Variants in ZNF469 observed in about 807,000 individuals in gnomAD.
The protein encoded by ZNF469 is zinc finger protein 469.
In ZNF469, 1 loss-of-function variant was observed where a neutral mutation model predicts 1.0. That is an observed-to-expected ratio of 1.00 (90% CI 0.35 to 4.73). ZNF469 has a LOEUF of 4.73. ZNF469 is among the 30% of genes most tolerant of loss of function. The probability of loss-of-function intolerance (pLI) is 0.16; values close to 1 mark genes in which losing one functional copy is unlikely to be tolerated. For synonymous variants in ZNF469, 2,703 were observed against 2,363.4 expected (o/e 1.14, Z -4.17); for missense variants, 6,100 against 5,356.3 (o/e 1.14, Z -4.33).
intron 1 of ZNF469, among the ~76,000 whole-genome samples, chr16:88,391,494 A>G (rs1167187837): frequency 2.4e-5 from 2 of 82,806 alleles, no homozygotes; most frequent in Non-Finnish European, 5.1e-5. Context: ...TGTCTCTGCC[A>G]CCCAAGGCAA....
Position 88,434,828 on chromosome 16 carries a change from A to G in ZNF469, c.7358A>G (p.Lys2453Arg). 1 of 1,550,368 alleles carries G rather than the reference A, an allele frequency of 6.5e-7. No homozygotes were observed. Among genetic ancestry groups the G allele is most frequent in the Non-Finnish European group, 8.7e-7 (1 of 1,146,986 alleles). The change falls in exon 3 of 3, where the codon AAG (lysine) becomes AGG (arginine). Residue 2453 changes from lysine (K) to arginine (R), a missense_variant. Lys to Arg is a conservative substitution (Grantham distance 26, BLOSUM62 2). Coordinates refer to ENST00000565624, the MANE Select transcript of ZNF469 (RefSeq NM_001367624.2). Reference sequence around the variant, plus strand: ...AAACAGAGGTCCCGTGGCTATAAAAAGAAGCCTGCATCTACAGAGAACGGC... The same window carrying G: ...AAACAGAGGTCCCGTGGCTATAAAAGGAAGCCTGCATCTACAGAGAACGGC... ...DLKQRSRGYK[K>R]KPASTENGQW...
chr16:88,223,276 G>A, the ZNF469 span, among the ~76,000 whole-genome samples: 6 of 152,210 alleles, frequency 3.9e-5, no homozygotes, highest in African/African-American at 1.2e-4. Context: ...CATGCGATCT[G>A]CGGGTTTTAT....
chr16:88,177,531 A>C, the ZNF469 span: 2 of 152,198 alleles, frequency 1.3e-5, no homozygotes, highest in African/African-American at 2.4e-5. The surrounding 1 kb of genome is among the most constrained non-coding windows in gnomAD (Gnocchi z 4.8). Context: ...CCATCAAGGC[A>C]CTTCCCATCT....
chr16:88,368,315 C>A, the ZNF469 span, among the ~76,000 whole-genome samples: 2,190 of 152,338 alleles, frequency 0.014, 69 homozygotes, highest in East Asian at 0.075. Context: ...GTACAGGTGA[C>A]CTGGGCCTGG....
chr16:88,281,875 G>T, the ZNF469 span, among the ~76,000 whole-genome samples: 3 of 152,234 alleles, frequency 2.0e-5, no homozygotes, highest in Non-Finnish European at 4.4e-5. Flanking sequence ...CAGTGCACAG[G>T]TTAGTGCTGT....
chr16:88,316,496 C>T, the ZNF469 span, among the ~76,000 whole-genome samples: 1 of 149,204 alleles, frequency 6.7e-6, no homozygotes, highest in African/African-American at 2.5e-5. Flanking sequence ...CCCTGCTGCT[C>T]AGCCAGTGTG....
chr16:88,407,831 ACT>A (rs1905060211), intron 1 of ZNF469, among the ~76,000 whole-genome samples: 2 of 152,136 alleles, frequency 1.3e-5, no homozygotes, highest in African/African-American at 4.8e-5. Context: ...GCTGGTGCCC[ACT>A]CTGTCTCTGA....
At chr16:88,317,426 G>T in the ZNF469 span, among the ~76,000 whole-genome samples, 1 of 152,214 alleles carries the variant, frequency 6.6e-6, no homozygotes. Context: ...GGGCAGGGTG[G>T]AGCCTCGGAA....
chr16:88,134,844 G>A, the ZNF469 span, among the ~76,000 whole-genome samples: 5 of 152,178 alleles, frequency 3.3e-5, no homozygotes, highest in South Asian at 2.1e-4. Context: ...AATTTTAAAC[G>A]GATTTGTCTT....
the ZNF469 span, among the ~76,000 whole-genome samples, chr16:88,171,531 G>A: frequency 6.6e-6 from 1 of 152,182 alleles, no homozygotes; most frequent in Non-Finnish European, 1.5e-5. Context: ...TCACAATCTT[G>A]GCTTCAGATA....
At chr16:88,208,766 TGCGC>T in the ZNF469 span, among the ~76,000 whole-genome samples, 14 of 72,356 alleles carry the variant, frequency 1.9e-4, no homozygotes, top group African/African-American at 6.0e-4. Flanking sequence ...CCATAGTAAA[TGCGC>T]GTGCGCGCGC....
the ZNF469 span, among the ~76,000 whole-genome samples, chr16:88,180,530 G>C: frequency 5.9e-5 from 9 of 152,180 alleles, no homozygotes; most frequent in Non-Finnish European, 1.0e-4. Flanking sequence ...CCAGCACTTT[G>C]GGAGGCCGAG....
chr16:88,438,981 C>T lies in ZNF469; in HGVS notation c.11511C>T (p.Ala3837=). The change falls in exon 3 of 3, where the codon GCC becomes GCT. Residue 3837 remains alanine, a synonymous_variant. Transcript: ENST00000565624. The part of the protein sequence containing the change: ...RSESVGSFGR[A]PSAPDKPPRT... ...AAAGTGTGGGGAGCTTCGGGAGAGC[C>T]CCCTCAGCCCCTGACAAGCCCCCCC... 6.5e-7 allele frequency: 1 copy of T among 1,550,372 alleles called. No homozygotes were observed. Among genetic ancestry groups the T allele is most frequent in the South Asian group, 1.2e-5 (1 of 84,066 alleles).
At chr16:88,185,670 T>C in the ZNF469 span, among the ~76,000 whole-genome samples, 1 of 149,110 alleles carries the variant, frequency 6.7e-6, no homozygotes, top group Admixed American at 6.7e-5. Context: ...CACACACTCA[T>C]GTGCCCAGAC....
chr16:88,215,383 A>AT, the ZNF469 span, among the ~76,000 whole-genome samples: 652 of 94,092 alleles, frequency 6.9e-3, 46 homozygotes, highest in African/African-American at 0.025. Context: ...TTGCCTTTTA[A>AT]TTTTTTTTTT....
the ZNF469 span, among the ~76,000 whole-genome samples, chr16:88,364,958 C>T: frequency 2.0e-5 from 3 of 152,118 alleles, no homozygotes; most frequent in Non-Finnish European, 4.4e-5. Flanking sequence ...GAGTGAGACT[C>T]CATCTCAAAA....
the ZNF469 span, among the ~76,000 whole-genome samples, chr16:88,116,830 G>A: frequency 1.6e-4 from 25 of 152,286 alleles, no homozygotes; most frequent in East Asian, 4.8e-3. Context: ...GGTCGGGGGA[G>A]TAGGGGCCGC....
At chr16:88,197,724 G>A in the ZNF469 span, among the ~76,000 whole-genome samples, 10 of 152,312 alleles carry the variant, frequency 6.6e-5, no homozygotes, top group Non-Finnish European at 1.0e-4. Context: ...GCCATCATTC[G>A]CAGGCCCCCC....
the ZNF469 span, among the ~76,000 whole-genome samples, chr16:88,134,333 C>A: frequency 0.015 from 2,209 of 152,230 alleles, 73 homozygotes; most frequent in Admixed American, 0.062. Context: ...TTTGGGCAAA[C>A]GTTTACGAAC....
Sources: gnomAD v4.1 joint callset for allele counts (sites outside exome capture counted in the v4.1 genomes callset) on GRCh38, gnomAD v4.1.1 for gene constraint, Gnocchi (gnomAD v3.1) non-coding constraint, MANE v1.5 for transcripts, NCBI Gene and HGNC (gene_info 2026-07-23, HGNC 2026-07-21) for gene names.